Variants in TBC1D8 observed in about 807,000 individuals in gnomAD.
The protein encoded by TBC1D8 is TBC1 domain family member 8.
In TBC1D8, 65 loss-of-function variants were observed where a neutral mutation model predicts 118.8. The observed-to-expected ratio is 0.55, with a 90% CI of 0.45 to 0.67. The LOEUF (loss-of-function observed/expected upper bound fraction) is 0.67. TBC1D8 is among the 30% of genes least tolerant of loss of function. The pLI is 0.00. For synonymous variants in TBC1D8, 566 were observed against 595.8 expected, an observed-to-expected ratio of 0.95 and a Z score of 0.73; for missense variants, 1,376 against 1,471.2, an observed-to-expected ratio of 0.94 and a Z score of 1.06.
chr2:101,114,507 G>GTT (rs1462335067), intron 1 of TBC1D8, among the ~76,000 whole-genome samples: 2 of 152,280 alleles, frequency 1.3e-5, no homozygotes, highest in East Asian at 3.9e-4. Context: ...AGTACCTGGA[G>GTT]TTTTGTTCAC....
At chr2:101,085,978 A>G (rs1408871356) in intron 2 of TBC1D8, among the ~76,000 whole-genome samples, 1 of 152,092 alleles carries the variant, frequency 6.6e-6, no homozygotes. Context: ...CGTCTCTACT[A>G]AAAATACAAA....
intron 1 of TBC1D8, among the ~76,000 whole-genome samples, chr2:101,103,385 TC>T (rs1399085196): frequency 8.1e-5 from 12 of 147,820 alleles, no homozygotes; most frequent in East Asian, 2.0e-4. Flanking sequence ...ATCAAGAACT[TC>T]TTTTTTTTTT....
chr2:101,134,922 C>T (rs1170457789), intron 1 of TBC1D8, among the ~76,000 whole-genome samples: 3 of 152,156 alleles, frequency 2.0e-5, no homozygotes, highest in Non-Finnish European at 2.9e-5. Flanking sequence ...GCCTGTAATC[C>T]CAGCACTTTG....
At chr2:101,144,994 T>C (rs1347483772) in intron 1 of TBC1D8, among the ~76,000 whole-genome samples, 1 of 152,206 alleles carries the variant, frequency 6.6e-6, no homozygotes, top group Non-Finnish European at 1.5e-5. Context: ...ACCTAAAATG[T>C]GGAGTCAAGA....
chr2:101,036,172 G>C lies in TBC1D8; in HGVS notation c.1453-4C>G. ...TTATTTTTATCTGTTCTCTGGACTGGAAATGGGAATATTCTTAATGTACAA... is the reference window on the plus strand; with the variant it reads ...TTATTTTTATCTGTTCTCTGGACTGCAAATGGGAATATTCTTAATGTACAA... On this transcript the variant is annotated splice_region_variant and splice_polypyrimidine_tract_variant and intron_variant, in intron 8 of 19. Transcript: ENST00000409318. The C allele has an allele frequency of 6.2e-7, 1 of 1,612,558 alleles. No individual in the cohort carries two copies. The highest frequency in any genetic ancestry group is 8.5e-7 in the Non-Finnish European group (1 of 1,178,732).
chr2:101,075,347 C>A (rs1008424110), intron 2 of TBC1D8, among the ~76,000 whole-genome samples: 2 of 150,394 alleles, frequency 1.3e-5, no homozygotes, highest in East Asian at 2.0e-4. Context: ...GCCAAGATTG[C>A]GCCACTGCAC....
At chr2:101,040,095 C>A in intron 6 of TBC1D8, 83 bp downstream of exon 6, 1 of 1,497,232 alleles carries the variant, frequency 6.7e-7, no homozygotes, top group African/African-American at 1.4e-5. Flanking sequence ...AACTTCCCCT[C>A]CCACACTCCA....
intron 3 of TBC1D8, among the ~76,000 whole-genome samples, chr2:101,054,699 G>A (rs1469208479): frequency 2.6e-5 from 1 of 38,246 alleles, no homozygotes; most frequent in Non-Finnish European, 5.7e-5. Context: ...TTTTTTTTTT[G>A]GAGACGGAGT....
chr2:101,113,638 C>T (rs1677699558), intron 1 of TBC1D8, among the ~76,000 whole-genome samples: 1 of 152,138 alleles, frequency 6.6e-6, no homozygotes, highest in Non-Finnish European at 1.5e-5. Context: ...TGTTTAATGG[C>T]CCTGTACATA....
chr2:101,065,308 A>G (rs1013281180), intron 2 of TBC1D8, among the ~76,000 whole-genome samples: 1 of 152,386 alleles, frequency 6.6e-6, no homozygotes, highest in Non-Finnish European at 1.5e-5. Flanking sequence ...CAGGCCAAAC[A>G]CTAACCATCT....
Position 101,018,103 on chromosome 2 carries a change from C to G in TBC1D8, c.2827+3578G>C, listed in dbSNP as rs147103564. ...GGGACTAGATTTTGAATCCAATCAA[C>G]ACTTTTTCATATAAAGTTTTCAGAA... On this transcript the variant is annotated intron_variant, in intron 17 of 19. Transcript: ENST00000409318. The G allele has an allele frequency of 1.2e-3, 720 of 599,052 alleles. 6 individuals carry two copies. Among genetic ancestry groups the G allele is most frequent in the African/African-American group, 0.012 (649 of 54,220 alleles). The allele number at this position is 599,052 out of a possible 1,614,324, so 37.1% of individuals were successfully genotyped here.
At chr2:101,123,255 T>C (rs1286530192) in intron 1 of TBC1D8, among the ~76,000 whole-genome samples, 1 of 152,146 alleles carries the variant, frequency 6.6e-6, no homozygotes, top group Non-Finnish European at 1.5e-5. Flanking sequence ...TAGGCTTTTC[T>C]AGATAGAAGA....
chr2:101,090,147 T>C, intron 2 of TBC1D8, 62 bp downstream of exon 2: 1 of 1,540,468 alleles, frequency 6.5e-7, no homozygotes, highest in Non-Finnish European at 8.8e-7. Flanking sequence ...TTCACCAACA[T>C]GCAGATACTC....
intron 17 of TBC1D8, among the ~76,000 whole-genome samples, chr2:101,016,133 C>T (rs546561154): frequency 8.5e-5 from 13 of 152,230 alleles, no homozygotes; most frequent in Non-Finnish European, 1.5e-4. Flanking sequence ...AGAGTGAACA[C>T]GCAATCTTCA....
chr2:101,108,650 A>C (rs1039546726), intron 1 of TBC1D8, among the ~76,000 whole-genome samples: 2 of 151,882 alleles, frequency 1.3e-5, no homozygotes, highest in African/African-American at 2.4e-5. Context: ...CCACACTACC[A>C]ACTCTCTGGT....
At chr2:101,033,901 C>T (rs1680835095) in intron 9 of TBC1D8, 143 bp from the exon 10 acceptor site, 17 of 983,772 alleles carry the variant, frequency 1.7e-5, no homozygotes, top group African/African-American at 4.9e-5. Context: ...CGGTGGCTCA[C>T]GCCTGTAATC....
intron 2 of TBC1D8, among the ~76,000 whole-genome samples, chr2:101,085,651 G>T (rs1001822988): frequency 2.0e-5 from 3 of 152,144 alleles, no homozygotes. Context: ...GGATGAGAAC[G>T]CAAGGTTCCA....
chr2:101,113,506 A>G (rs1189713910), intron 1 of TBC1D8, among the ~76,000 whole-genome samples: 2 of 152,230 alleles, frequency 1.3e-5, no homozygotes, highest in African/African-American at 2.4e-5. Flanking sequence ...CGAGACTCAC[A>G]GCCCATGATG....
intron 1 of TBC1D8, among the ~76,000 whole-genome samples, chr2:101,116,365 T>C (rs1677817587): frequency 6.6e-6 from 1 of 152,182 alleles, no homozygotes; most frequent in Non-Finnish European, 1.5e-5. Context: ...ATCAGCTGTG[T>C]GGCTTGGGTA....
Sources: allele counts gnomAD v4.1 joint callset (sites outside exome capture counted in the v4.1 genomes callset), GRCh38; gene constraint gnomAD v4.1.1; transcripts MANE v1.5; gene names NCBI Gene and HGNC (gene_info 2026-07-23, HGNC 2026-07-21).